The following ADRA1B variants were observed in gnomAD, a reference collection of about 807,000 sequenced individuals.
The protein encoded by ADRA1B is alpha-1B adrenergic receptor.
A neutral mutation model predicts 17.9 loss-of-function variants in ADRA1B; 17 were observed. The ratio of observed to expected loss-of-function variants is 0.95; its 90% CI spans 0.65 to 1.42. The LOEUF (loss-of-function observed/expected upper bound fraction) is 1.42, where lower values mean the gene tolerates loss of function less well. Ranked by LOEUF, ADRA1B falls within the 40% of genes most tolerant of loss-of-function variation. The probability of loss-of-function intolerance (pLI) is 0.00; values close to 1 mark genes in which losing one functional copy is unlikely to be tolerated. For synonymous variants in ADRA1B, 366 were observed against 327.6 expected, an observed-to-expected ratio of 1.12 and a Z score of -1.27; for missense variants, 681 against 722.1, an observed-to-expected ratio of 0.94 and a Z score of 0.65.
chr5:159,877,121 G>A lies in ADRA1B; in HGVS notation c.-256+11915G>A, dbSNP rs1753812289. Among the ~76,000 whole-genome samples the A allele has an allele frequency of 2.0e-5, 3 of 152,162 alleles. No individual in the cohort carries two copies. The South Asian group carries it at 6.2e-4, about 31-fold the overall frequency. ...TGATGATGTGTTTTCTGGAATGGGAGCCTCAGTTCATAAATCAAGGCTTGT... is the reference window on the plus strand; with the variant it reads ...TGATGATGTGTTTTCTGGAATGGGAACCTCAGTTCATAAATCAAGGCTTGT... On this transcript the variant is annotated intron_variant, in intron 1 of 2. Transcript: ENST00000641205.
At chr5:159,986,381 G>C in the ADRA1B span, among the ~76,000 whole-genome samples, 1 of 152,210 alleles carries the variant, frequency 6.6e-6, no homozygotes, top group Non-Finnish European at 1.5e-5. Flanking sequence ...GTGTAAGCCA[G>C]TATATCCAAC....
At chr5:159,957,984 T>G (rs1011242427) in intron 1 of ADRA1B, among the ~76,000 whole-genome samples, 2 of 149,728 alleles carry the variant, frequency 1.3e-5, no homozygotes, top group African/African-American at 4.9e-5. Context: ...AGAAATATCA[T>G]TCTTTTACTG....
intron 1 of ADRA1B, among the ~76,000 whole-genome samples, chr5:159,899,694 C>G (rs541523385): frequency 6.6e-6 from 1 of 152,286 alleles, no homozygotes; most frequent in South Asian, 2.1e-4. Context: ...CCTGTGATGC[C>G]TTATGGAAAT....
intron 1 of ADRA1B, among the ~76,000 whole-genome samples, chr5:159,909,445 T>C (rs1381622473): frequency 6.6e-6 from 1 of 152,224 alleles, no homozygotes; most frequent in Non-Finnish European, 1.5e-5. Context: ...TAGACTTTTC[T>C]GAACTTGGTA....
intron 1 of ADRA1B, among the ~76,000 whole-genome samples, chr5:159,925,762 G>C (rs1754629650): frequency 6.6e-6 from 1 of 152,192 alleles, no homozygotes; most frequent in African/African-American, 2.4e-5. Context: ...CTCTTAGCTG[G>C]TTCCCAAAAA....
At chr5:159,899,038 G>T (rs886372785) in intron 1 of ADRA1B, among the ~76,000 whole-genome samples, 30 of 152,024 alleles carry the variant, frequency 2.0e-4, no homozygotes, top group Admixed American at 9.8e-4. Flanking sequence ...TCCCAGCTAC[G>T]TGGGAGGCTG....
chr5:159,941,931 T>C (rs142303071), intron 1 of ADRA1B, among the ~76,000 whole-genome samples: 17,626 of 148,262 alleles, frequency 0.12, 1,348 homozygotes, highest in Non-Finnish European at 0.16. Context: ...TTTTTTTTTT[T>C]TTTTTTTTTG....
At chr5:159,956,262 G>A (rs1755548906) in intron 1 of ADRA1B, among the ~76,000 whole-genome samples, 1 of 152,084 alleles carries the variant, frequency 6.6e-6, no homozygotes, top group South Asian at 2.1e-4. Flanking sequence ...CAACAAAAAT[G>A]TCCATTGCAA....
intron 1 of ADRA1B, among the ~76,000 whole-genome samples, chr5:159,954,231 A>G (rs897162443): frequency 4.6e-5 from 7 of 152,020 alleles, no homozygotes; most frequent in Admixed American, 3.3e-4. Flanking sequence ...TCAACAACAG[A>G]AATTTATTCC....
At chr5:159,899,286 G>GAAA (rs1754073718) in intron 1 of ADRA1B, among the ~76,000 whole-genome samples, 1 of 148,772 alleles carries the variant, frequency 6.7e-6, no homozygotes, top group Non-Finnish European at 1.5e-5. Flanking sequence ...AAGGAAGGAA[G>GAAA]GAAGGAAGGA....
At chr5:159,904,282 CTG>C (rs1430641538) in intron 1 of ADRA1B, among the ~76,000 whole-genome samples, 1 of 152,176 alleles carries the variant, frequency 6.6e-6, no homozygotes, top group African/African-American at 2.4e-5. Flanking sequence ...GTTTCCCCAC[CTG>C]GGAAATGAGG....
At chr5:159,934,663 G>A (rs980771510) in intron 1 of ADRA1B, among the ~76,000 whole-genome samples, 6 of 151,898 alleles carry the variant, frequency 4.0e-5, no homozygotes, top group African/African-American at 4.8e-5. Flanking sequence ...AAATTAGCCC[G>A]GTATGGTGGC....
At chr5:159,912,027 T>G (rs72808190), upstream of ADRA1B, among the ~76,000 whole-genome samples, 1 of 152,166 alleles carries the variant, frequency 6.6e-6, no homozygotes, top group African/African-American at 2.4e-5. Context: ...TACCTCATAA[T>G]GTTATCATTA....
intron 1 of ADRA1B, among the ~76,000 whole-genome samples, chr5:159,967,730 TCTC>T (rs1020098793): frequency 1.3e-5 from 2 of 152,126 alleles, no homozygotes. Context: ...GGCTTCTTCT[TCTC>T]AGAGGAATAA....
At chr5:159,965,912 C>G (rs2113289816) in intron 1 of ADRA1B, among the ~76,000 whole-genome samples, 1 of 152,262 alleles carries the variant, frequency 6.6e-6, no homozygotes, top group East Asian at 1.9e-4. Context: ...CAACTTCCAC[C>G]TCCTGGGTTC....
intron 1 of ADRA1B, among the ~76,000 whole-genome samples, chr5:159,896,317 G>A (rs1754040023): frequency 6.6e-6 from 1 of 152,202 alleles, no homozygotes; most frequent in African/African-American, 2.4e-5. Flanking sequence ...GATCAATTTA[G>A]ATAAACTTAA....
downstream of ADRA1B, among the ~76,000 whole-genome samples, chr5:159,973,705 T>C (rs1196253364): frequency 6.6e-6 from 1 of 152,116 alleles, no homozygotes; most frequent in Non-Finnish European, 1.5e-5. Context: ...GGTGGAGCAT[T>C]CTTTGGAGTC....
chr5:159,974,075 ATACT>A (rs938504453), downstream of ADRA1B, among the ~76,000 whole-genome samples: 1 of 152,024 alleles, frequency 6.6e-6, no homozygotes, highest in African/African-American at 2.4e-5. Context: ...GAGAGAGAAA[ATACT>A]TAAAGGGGAA....
At chr5:159,870,741 C>G (rs1753728109) in intron 1 of ADRA1B, 2 of 152,208 alleles carry the variant, frequency 1.3e-5, no homozygotes, top group African/African-American at 4.8e-5. Context: ...TCTTATTCAG[C>G]ATTTGTGTTC....
Sources: gnomAD v4.1 joint callset for allele counts (sites outside exome capture counted in the v4.1 genomes callset) on GRCh38, gnomAD v4.1.1 for gene constraint, MANE v1.5 for transcripts, NCBI Gene and HGNC (gene_info 2026-07-23, HGNC 2026-07-21) for gene names.